The following ASPRV1 variants were observed in gnomAD, a reference collection of about 807,000 sequenced individuals.
The protein encoded by ASPRV1 is retroviral-like aspartic protease 1.
In ASPRV1, 7 loss-of-function variants were observed where a neutral mutation model predicts 11.0. The observed-to-expected ratio is 0.64, with a 90% CI of 0.36 to 1.20. The LOEUF (loss-of-function observed/expected upper bound fraction) is 1.20, where lower values mean the gene tolerates loss of function less well. Among genes scored for constraint, ASPRV1 ranks in the 50% most tolerant of loss-of-function variants. The pLI is 0.02. For missense variants in ASPRV1, 299 were observed against 320.0 expected, an observed-to-expected ratio of 0.93 and a Z score of 0.50; for synonymous variants, 136 against 138.4, an observed-to-expected ratio of 0.98 and a Z score of 0.12.
the ASPRV1 span, among the ~76,000 whole-genome samples, chr2:70,074,133 CAAAAAAAAAAAAAAAAA>C: frequency 1.3e-4 from 1 of 7,814 alleles, no homozygotes; most frequent in African/African-American, 3.5e-4. Flanking sequence ...AACTTCATCT[CAAAAAAAAAAAAAAAAA>C]AAAAAAAAAA....
chr2:69,974,351 T>A, the ASPRV1 span, among the ~76,000 whole-genome samples: 9 of 148,080 alleles, frequency 6.1e-5, no homozygotes, highest in Non-Finnish European at 6.0e-5. Context: ...AAAAAAAAAA[T>A]TATTAGGAAG....
chr2:69,970,267 C>T, the ASPRV1 span, among the ~76,000 whole-genome samples: 1 of 152,110 alleles, frequency 6.6e-6, no homozygotes, highest in Non-Finnish European at 1.5e-5. Context: ...TGCCTCCTGC[C>T]TCCTCTCCAT....
chr2:69,941,883 C>T, the ASPRV1 span: 1 of 152,092 alleles, frequency 6.6e-6, no homozygotes, highest in Non-Finnish European at 1.5e-5. Context: ...CACACACACA[C>T]ACATATTATT....
At chr2:70,014,435 T>TG in the ASPRV1 span, 1 of 151,564 alleles carries the variant, frequency 6.6e-6, no homozygotes, top group South Asian at 2.1e-4. Flanking sequence ...ATAAAAAGCA[T>TG]GGGGAAAAAA....
chr2:69,959,557 T>C (rs1338213710), downstream of ASPRV1, among the ~76,000 whole-genome samples: 2 of 152,066 alleles, frequency 1.3e-5, no homozygotes, highest in Admixed American at 1.3e-4. Flanking sequence ...TTTCAGGCTC[T>C]GTTCCAAGTC....
chr2:70,075,861 AAAAAG>A, the ASPRV1 span, among the ~76,000 whole-genome samples: 1 of 152,150 alleles, frequency 6.6e-6, no homozygotes, highest in African/African-American at 2.4e-5. Context: ...AAGAAAAAAA[AAAAAG>A]AAAATTCTCA....
At chr2:70,066,320 C>T in the ASPRV1 span, among the ~76,000 whole-genome samples, 1 of 151,828 alleles carries the variant, frequency 6.6e-6, no homozygotes, top group Non-Finnish European at 1.5e-5. Context: ...CTCACTGCAA[C>T]CTCCACCTCC....
Position 69,960,310 on chromosome 2 carries a change from A to G in ASPRV1, c.*347T>C, listed in dbSNP as rs1351470912. The G allele has an allele frequency of 3.9e-6, 1 of 253,696 alleles. No homozygotes were observed. Among genetic ancestry groups the G allele is most frequent in the East Asian group, 8.3e-5 (1 of 12,088 alleles). The allele number at this position is 253,696 out of a possible 1,614,324, so 15.7% of individuals were successfully genotyped here. A position where few individuals can be genotyped will look rare whatever the true frequency, so the allele number is the denominator to read the frequency against. Reference sequence around the variant, plus strand: ...GAGGACCTGAGAGTGACCAAGCCATACCTCAGGGAATCTGAAGGGGTCCCA... The same window carrying G: ...GAGGACCTGAGAGTGACCAAGCCATGCCTCAGGGAATCTGAAGGGGTCCCA... On this transcript the variant is annotated 3_prime_UTR_variant, in exon 1 of 1. Coordinates refer to ENST00000320256, the MANE Select transcript of ASPRV1 (RefSeq NM_152792.4).
chr2:69,993,058 G>C, the ASPRV1 span, among the ~76,000 whole-genome samples: 22 of 152,200 alleles, frequency 1.4e-4, no homozygotes, highest in Admixed American at 1.3e-3. Context: ...CAGTCACTCA[G>C]GGTGATTCAC....
At chr2:70,071,388 G>A in the ASPRV1 span, among the ~76,000 whole-genome samples, 1 of 152,200 alleles carries the variant, frequency 6.6e-6, no homozygotes, top group Non-Finnish European at 1.5e-5. Flanking sequence ...TGTCTTCAAA[G>A]GTTCATGAGT....
At chr2:70,005,728 T>C in the ASPRV1 span, among the ~76,000 whole-genome samples, 1 of 152,246 alleles carries the variant, frequency 6.6e-6, no homozygotes, top group Non-Finnish European at 1.5e-5. Flanking sequence ...TGTGACTGCA[T>C]GTAGAGAATG....
At chr2:69,983,215 G>C in the ASPRV1 span, among the ~76,000 whole-genome samples, 1 of 152,116 alleles carries the variant, frequency 6.6e-6, no homozygotes, top group Non-Finnish European at 1.5e-5. Flanking sequence ...CACCATGTCT[G>C]GCTGGAACCC....
chr2:70,027,480 G>A, the ASPRV1 span, among the ~76,000 whole-genome samples: 1 of 152,120 alleles, frequency 6.6e-6, no homozygotes, highest in East Asian at 1.9e-4. Context: ...AGTCACAATA[G>A]CCAAGATGTG....
chr2:70,036,954 A>C, the ASPRV1 span, among the ~76,000 whole-genome samples: 1 of 152,172 alleles, frequency 6.6e-6, no homozygotes, highest in Non-Finnish European at 1.5e-5. Context: ...GTCTCTCTCA[A>C]GGAGACTTCT....
At chr2:70,018,119 A>G in the ASPRV1 span, 2 of 152,032 alleles carry the variant, frequency 1.3e-5, no homozygotes, top group South Asian at 4.1e-4. Context: ...TGGGCTACAG[A>G]GTGAGACTCC....
chr2:70,056,579 T>C, the ASPRV1 span: 3 of 98,744 alleles, frequency 3.0e-5, no homozygotes, highest in African/African-American at 8.5e-5. Context: ...CACTCCAGCC[T>C]GGGCGACAGA....
chr2:69,975,993 T>G, the ASPRV1 span: 1 of 152,910 alleles, frequency 6.5e-6, no homozygotes, highest in African/African-American at 2.4e-5. Context: ...GCACGCTTAC[T>G]GCTCTCCGTC....
the ASPRV1 span, among the ~76,000 whole-genome samples, chr2:70,013,566 T>C: frequency 6.6e-6 from 1 of 152,226 alleles, no homozygotes; most frequent in Admixed American, 6.5e-5. Flanking sequence ...TACATTTTTT[T>C]GTTGTTTTAG....
the ASPRV1 span, among the ~76,000 whole-genome samples, chr2:70,015,022 G>C: frequency 6.6e-6 from 1 of 152,126 alleles, no homozygotes; most frequent in Non-Finnish European, 1.5e-5. Context: ...ACAATCATAT[G>C]TAAAGATGCT....
Sources: allele counts gnomAD v4.1 joint callset (sites outside exome capture counted in the v4.1 genomes callset), GRCh38; gene constraint gnomAD v4.1.1; transcripts MANE v1.5; gene names NCBI Gene and HGNC (gene_info 2026-07-23, HGNC 2026-07-21).